LRRC40: variants seen among roughly 807,000 people sequenced by gnomAD.
LRRC40 encodes the protein leucine-rich repeat-containing protein 40.
LRRC40 carries 76 observed loss-of-function variants against 72.8 expected under a neutral mutation model. The ratio of observed to expected loss-of-function variants is 1.04; its 90% CI spans 0.87 to 1.26. LRRC40 has a LOEUF of 1.26. Among genes scored for constraint, LRRC40 ranks in the 50% most tolerant of loss-of-function variants. The pLI, the probability that LRRC40 is intolerant of heterozygous loss-of-function variation, is 0.00. For synonymous variants in LRRC40, 243 were observed against 254.2 expected (o/e 0.96, Z 0.42); for missense variants, 684 against 698.9 (o/e 0.98, Z 0.24).
chr1:70,203,189 T>C (rs1239850072), intron 1 of LRRC40, among the ~76,000 whole-genome samples: 1 of 152,080 alleles, frequency 6.6e-6, no homozygotes, highest in Admixed American at 6.5e-5. Flanking sequence ...GCTACTATCA[T>C]TATCAAAGTA....
At chr1:70,158,888 T>A (rs1667697362) in intron 10 of LRRC40, among the ~76,000 whole-genome samples, 2 of 152,178 alleles carry the variant, frequency 1.3e-5, no homozygotes, top group African/African-American at 4.8e-5. Flanking sequence ...TTTATAACAA[T>A]AAAATGTTCC....
chr1:70,194,372 A>C (rs923848205), intron 1 of LRRC40, among the ~76,000 whole-genome samples: 1 of 152,110 alleles, frequency 6.6e-6, no homozygotes, highest in African/African-American at 2.4e-5. Context: ...ATAGTATTAA[A>C]TGTACAAAAT....
chr1:70,202,918 T>C (rs1332815389), intron 1 of LRRC40, among the ~76,000 whole-genome samples: 2 of 152,174 alleles, frequency 1.3e-5, no homozygotes, highest in African/African-American at 2.4e-5. Context: ...AGAGACAGGA[T>C]CTCACTCTCT....
At chr1:70,170,094 A>C (rs796649262) in intron 9 of LRRC40, among the ~76,000 whole-genome samples, 64 of 152,346 alleles carry the variant, frequency 4.2e-4, no homozygotes, top group African/African-American at 1.5e-3. Flanking sequence ...ATGCAAGCTG[A>C]TTTACCATCT....
At chr1:70,191,671 T>G (rs1392843740) in intron 1 of LRRC40, among the ~76,000 whole-genome samples, 3 of 152,122 alleles carry the variant, frequency 2.0e-5, no homozygotes, top group African/African-American at 7.2e-5. Flanking sequence ...ATGTCACTGT[T>G]GCAACTGTCC....
chr1:70,175,901 G>A lies in LRRC40; in HGVS notation c.886C>T (p.Leu296=). Residue 296 remains leucine, a synonymous_variant, in exon 7 of 15, where the codon CTG becomes TTG. Coordinates refer to ENST00000370952, the MANE Select transcript of LRRC40 (RefSeq NM_017768.5). Reference sequence around the variant, plus strand: ...ACAGATTTTAACTTGTTATCCCTCAGGTCTAGCACAAGAATTGAATTCAGA... The same window carrying A: ...ACAGATTTTAACTTGTTATCCCTCAAGTCTAGCACAAGAATTGAATTCAGA... ...KHLNSILVLD[L]RDNKLKSVPD... The A allele has an allele frequency of 6.2e-7, 1 of 1,600,968 alleles. No homozygotes were observed. Among genetic ancestry groups the A allele is most frequent in the Non-Finnish European group, 8.5e-7 (1 of 1,175,436 alleles).
intron 1 of LRRC40, among the ~76,000 whole-genome samples, chr1:70,190,998 T>TA (rs1164877864): frequency 1.3e-5 from 2 of 151,836 alleles, no homozygotes; most frequent in Non-Finnish European, 2.9e-5. Flanking sequence ...TAGGTATGGA[T>TA]AATTAGTTAA....
intron 11 of LRRC40, among the ~76,000 whole-genome samples, chr1:70,152,960 C>T (rs190256407): frequency 5.9e-5 from 9 of 152,060 alleles, no homozygotes; most frequent in African/African-American, 2.2e-4. Flanking sequence ...TAGTGTATTA[C>T]CACTAAGGAG....
chr1:70,169,953 C>A (rs980509481), intron 9 of LRRC40, among the ~76,000 whole-genome samples: 1 of 151,918 alleles, frequency 6.6e-6, no homozygotes, highest in Non-Finnish European at 1.5e-5. Context: ...ATCACCCAAA[C>A]CAGAAACAAA....
In LRRC40 at chr1:70,181,091, A is replaced by C; in HGVS notation, c.656T>G (p.Met219Arg). The C allele has an allele frequency of 6.6e-7, 1 of 1,517,106 alleles. No individual in the cohort carries two copies. The highest frequency in any genetic ancestry group is 9.0e-7 in the Non-Finnish European group (1 of 1,106,492). 94.0% of individuals were successfully genotyped at this position (1,517,106 alleles called of 1,614,324 possible). A position where few individuals can be genotyped will look rare whatever the true frequency, so the allele number is the denominator to read the frequency against. Reference sequence around the variant, plus strand: ...GTAAAACAGAAAATATTTACTTTTCATTCTATTTATTTCTGCTGGCAAACT... The same window carrying C: ...GTAAAACAGAAAATATTTACTTTTCCTTCTATTTATTTCTGCTGGCAAACT... ...LKSLPAEINR[M>R]KRLKHLDCNS... Residue 219 changes from methionine to arginine, a missense_variant, in exon 5 of 15, where the codon ATG (methionine) becomes AGG (arginine). By Grantham distance (91) the Met-to-Arg change is moderately conservative (BLOSUM62 -1). Transcript: ENST00000370952.
In LRRC40 at chr1:70,175,852, C is replaced by A; in HGVS notation, c.935G>T (p.Arg312Leu). Reference sequence around the variant, plus strand: ...GCTTAGGTCAAGCCTTTCCAAGGACCGTAGTAGTATAATTTCATCTGGAAC... The same window carrying A: ...GCTTAGGTCAAGCCTTTCCAAGGACAGTAGTAGTATAATTTCATCTGGAAC... ...KSVPDEIILLRSLERLDLSNN... is the reference protein window; with the variant it reads ...KSVPDEIILLLSLERLDLSNN... Residue 312 changes from arginine to leucine, a missense_variant, in exon 7 of 15, where the codon CGG becomes CTG. Physicochemically the swap from Arg to Leu is moderately radical, Grantham distance 102. Transcript: ENST00000370952. 1 of 1,583,804 alleles carries A rather than the reference C, an allele frequency of 6.3e-7. No homozygotes were observed. The highest frequency in any genetic ancestry group is 8.6e-7 in the Non-Finnish European group (1 of 1,168,680).
chr1:70,183,372 C>T (rs575168903), intron 4 of LRRC40, among the ~76,000 whole-genome samples: 132 of 151,808 alleles, frequency 8.7e-4, no homozygotes, highest in Middle Eastern at 6.8e-3. Flanking sequence ...ATGGTATAGC[C>T]TGCAGTGGAA....
chr1:70,167,906 C>T (rs116230942), intron 9 of LRRC40, among the ~76,000 whole-genome samples: 3,460 of 152,260 alleles, frequency 0.023, 50 homozygotes, highest in Middle Eastern at 0.048. Context: ...TGAGCCACCA[C>T]GCCTGGCCTT....
intron 11 of LRRC40, among the ~76,000 whole-genome samples, chr1:70,153,972 CAA>C (rs1042976831): frequency 8.6e-5 from 5 of 58,192 alleles, no homozygotes; most frequent in Admixed American, 5.2e-4. Flanking sequence ...GATCCTGTCT[CAA>C]AAAAAAAAAA....
At chr1:70,150,848 G>A (rs1184366764) in intron 13 of LRRC40, among the ~76,000 whole-genome samples, 1 of 152,084 alleles carries the variant, frequency 6.6e-6, no homozygotes, top group African/African-American at 2.4e-5. Flanking sequence ...ATTTTCCTGT[G>A]CACTATCCTT....
At chr1:70,176,816 TA>T (rs569375227) in intron 6 of LRRC40, among the ~76,000 whole-genome samples, 1 of 151,554 alleles carries the variant, frequency 6.6e-6, no homozygotes, top group Non-Finnish European at 1.5e-5. Context: ...ATTTAAAAAA[TA>T]AAAAAAAGTT....
chr1:70,192,978 A>C (rs1340307335), intron 1 of LRRC40, among the ~76,000 whole-genome samples: 1 of 152,144 alleles, frequency 6.6e-6, no homozygotes, highest in Non-Finnish European at 1.5e-5. Context: ...ATGTTTAAAA[A>C]AAAACAGTAT....
chr1:70,204,856 A>T (rs2100371039), intron 1 of LRRC40, among the ~76,000 whole-genome samples: 1 of 151,996 alleles, frequency 6.6e-6, no homozygotes, highest in South Asian at 2.1e-4. Context: ...ACATTCAAAC[A>T]CTCTGTGTGG....
intron 1 of LRRC40, among the ~76,000 whole-genome samples, chr1:70,199,608 T>C (rs1212767369): frequency 2.0e-5 from 3 of 152,178 alleles, no homozygotes; most frequent in Non-Finnish European, 4.4e-5. Context: ...ACTTGATGAA[T>C]AGTAAATATA....
Sources: gnomAD v4.1 joint callset for allele counts (sites outside exome capture counted in the v4.1 genomes callset) on GRCh38, gnomAD v4.1.1 for gene constraint, MANE v1.5 for transcripts, NCBI Gene and HGNC (gene_info 2026-07-23, HGNC 2026-07-21) for gene names.